The following LUC7L variants were observed in gnomAD, a reference collection of about 807,000 sequenced individuals.
LUC7L encodes LUC7 like.
LUC7L carries 29 observed loss-of-function variants against 51.1 expected under a neutral mutation model. The ratio of observed to expected loss-of-function variants is 0.57; its 90% CI spans 0.42 to 0.77. The LOEUF is 0.77. Ranked by LOEUF, LUC7L falls within the 30% of genes least tolerant of loss-of-function variation. The probability of loss-of-function intolerance (pLI) is 0.00; values close to 1 mark genes in which losing one functional copy is unlikely to be tolerated. For missense variants in LUC7L, 403 were observed against 511.9 expected (o/e 0.79, Z 2.05); for synonymous variants, 181 against 180.7 (o/e 1.00, Z -0.01).
chr16:218,026 C>CAAAA (rs11420593), intron 3 of LUC7L, among the ~76,000 whole-genome samples: 12 of 130,334 alleles, frequency 9.2e-5, no homozygotes, highest in Non-Finnish European at 1.9e-4. Flanking sequence ...ACTATATCTC[C>CAAAA]AAAAAAAAAA....
intron 3 of LUC7L, 117 bp from the exon 4 acceptor site, chr16:208,305 C>A (rs2049543835): frequency 8.5e-6 from 6 of 705,446 alleles, no homozygotes; most frequent in Non-Finnish European, 1.4e-5. Flanking sequence ...CCTGTACATT[C>A]AAGGGAAAGA....
intron 3 of LUC7L, among the ~76,000 whole-genome samples, chr16:212,511 T>A (rs560719485): frequency 6.6e-6 from 1 of 152,192 alleles, no homozygotes; most frequent in Non-Finnish European, 1.5e-5. Flanking sequence ...TTGCCCAGGG[T>A]CACACAGGGA....
rs773740183 is a variant in LUC7L, at chr16:189,213, C to A, written c.1101G>T (p.Glu367Asp). 1 of 1,613,700 alleles carries A rather than the reference C, an allele frequency of 6.2e-7. No homozygotes were observed. ...KMASRRSEEKEAGEI is the reference protein window; with the variant it reads ...KMASRRSEEKDAGEI ...GGAGACGGGTTCAGATCTCGCCGGC[C>A]TCCTTCTCTTCTGACCTCCGTGAAG... Residue 367 changes from glutamate (E) to aspartate (D), a missense_variant, in exon 10 of 10, where the codon GAG (glutamate) becomes GAT (aspartate). Around this residue, in one of 3 missense-constraint regions of LUC7L, gnomAD observed 206 missense variants for 218.3 expected, o/e 0.94. Transcript: ENST00000293872.
chr16:194,542 C>G (rs2049100588), intron 6 of LUC7L, among the ~76,000 whole-genome samples: 1 of 152,176 alleles, frequency 6.6e-6, no homozygotes, highest in Non-Finnish European at 1.5e-5. Context: ...TAAAAAAGGA[C>G]GGATGTATCT....
intron 3 of LUC7L, among the ~76,000 whole-genome samples, chr16:211,473 T>A (rs775197761): frequency 2.0e-5 from 3 of 152,004 alleles, no homozygotes; most frequent in Non-Finnish European, 4.4e-5. Context: ...AAACAACAAC[T>A]ATAAATGGTA....
At chr16:228,306 A>G (rs1446978996) in intron 1 of LUC7L, 13 of 1,303,758 alleles carry the variant, frequency 1.0e-5, no homozygotes, top group Non-Finnish European at 1.3e-5. Context: ...TTTTGTTATA[A>G]CAGCTTAGAA....
chr16:219,876 A>G lies in LUC7L; in HGVS notation c.255+773T>C, dbSNP rs559902030. ...AAGAGTGAAACTCCGTCTCAAAAAA[A>G]AAAAAAGAATTTACTAATGTAGATA... On this transcript the variant is annotated intron_variant, in intron 3 of 9. Coordinates refer to ENST00000293872, the MANE Select transcript of LUC7L (RefSeq NM_201412.3). Among the ~76,000 whole-genome samples the G allele has an allele frequency of 2.6e-5, 4 of 152,294 alleles. No individual in the cohort carries two copies. The South Asian group carries it at 8.3e-4, about 32-fold the overall frequency.
chr16:218,048 C>A lies in LUC7L; in HGVS notation c.255+2601G>T, dbSNP rs542757191. 1.2e-4 allele frequency among the ~76,000 whole-genome samples: 18 copies of A among 149,618 alleles called. No homozygotes were observed. The South Asian group carries it at 3.8e-3, about 32-fold the overall frequency. ...CTCCAAAAAAAAAAAAAAAAATTAG[C>A]CAGGCATGGTGGCAGGCACCTGTAA... On this transcript the variant is annotated intron_variant, in intron 3 of 9. Coordinates refer to ENST00000293872, the MANE Select transcript of LUC7L (RefSeq NM_201412.3).
chr16:198,112 C>G (rs1343099129), intron 6 of LUC7L, among the ~76,000 whole-genome samples: 1 of 150,930 alleles, frequency 6.6e-6, no homozygotes, highest in African/African-American at 2.4e-5. Context: ...ACTAAAAATA[C>G]AACAACAACA....
intron 3 of LUC7L, among the ~76,000 whole-genome samples, chr16:216,708 G>A (rs1596661714): frequency 6.6e-6 from 1 of 151,942 alleles, no homozygotes; most frequent in African/African-American, 2.4e-5. Context: ...CCCCCTGTAA[G>A]GTCAAAAATG....
At chr16:224,673 T>G (rs762614848) in intron 2 of LUC7L, among the ~76,000 whole-genome samples, 2 of 147,884 alleles carry the variant, frequency 1.4e-5, no homozygotes, top group African/African-American at 5.0e-5. Context: ...CTACTAAAAA[T>G]ACAAAAAAAA....
chr16:198,973 C>T (rs1233472119), intron 6 of LUC7L, 89 bp downstream of exon 6: 1 of 1,361,182 alleles, frequency 7.3e-7, no homozygotes, highest in African/African-American at 1.5e-5. Flanking sequence ...AGCCACCACG[C>T]CCGGCCAAAA....
At chr16:224,447 A>C (rs979999953) in intron 2 of LUC7L, among the ~76,000 whole-genome samples, 5 of 151,354 alleles carry the variant, frequency 3.3e-5, no homozygotes, top group Non-Finnish European at 7.4e-5. Flanking sequence ...TGAGCCCGGG[A>C]GGCGGAGCTT....
At chr16:195,445 C>G (rs760719805) in intron 6 of LUC7L, among the ~76,000 whole-genome samples, 2 of 151,244 alleles carry the variant, frequency 1.3e-5, no homozygotes, top group Non-Finnish European at 2.9e-5. Context: ...AAAAAAAAAA[C>G]GAAAAAAATC....
At chr16:189,702 C>A (rs1412662009) in intron 9 of LUC7L, 1 of 1,353,610 alleles carries the variant, frequency 7.4e-7, no homozygotes, top group Non-Finnish European at 9.5e-7. Flanking sequence ...CAAGTCTCAG[C>A]CACTCTGAGC....
At chr16:193,871 T>C (rs1201657954) in intron 6 of LUC7L, among the ~76,000 whole-genome samples, 2 of 146,220 alleles carry the variant, frequency 1.4e-5, no homozygotes, top group Admixed American at 1.4e-4. Flanking sequence ...TGGCGCAATC[T>C]CGGCTCGCCG....
chr16:227,581 C>CA, intron 1 of LUC7L: 2 of 1,322,140 alleles, frequency 1.5e-6, no homozygotes, highest in Admixed American at 6.4e-5. Flanking sequence ...CCAAAGAAGT[C>CA]AAGGAGTCAG....
At chr16:229,038 G>A (rs930768626) in intron 1 of LUC7L, 36 of 1,426,734 alleles carry the variant, frequency 2.5e-5, no homozygotes, top group African/African-American at 2.3e-4. Flanking sequence ...ACATAGGAAG[G>A]AGGCTGAAGC....
At chr16:190,903 T>G in intron 7 of LUC7L, 1 of 234,624 alleles carries the variant, frequency 4.3e-6, no homozygotes, top group Non-Finnish European at 8.2e-6. Context: ...AAAAAGTGAA[T>G]GACTTCCCGA....
Sources: allele counts gnomAD v4.1 joint callset (sites outside exome capture counted in the v4.1 genomes callset), GRCh38; gene constraint gnomAD v4.1.1; regional missense constraint gnomAD v4.1.1; transcripts MANE v1.5; gene names NCBI Gene and HGNC (gene_info 2026-07-23, HGNC 2026-07-21).